The following ASXL1 variants were observed in gnomAD, a reference collection of about 807,000 sequenced individuals.
The protein encoded by ASXL1 is ASXL transcriptional regulator 1, also known as polycomb group protein ASXL1.
Under a neutral mutation model 89.1 loss-of-function variants are expected in ASXL1, and 65 were observed. The ratio of observed to expected loss-of-function variants is 0.73; its 90% CI spans 0.60 to 0.90. The LOEUF (loss-of-function observed/expected upper bound fraction) is 0.90, where lower values mean the gene tolerates loss of function less well. Ranked by LOEUF, ASXL1 falls within the 40% of genes least tolerant of loss-of-function variation. ASXL1 has a pLI of 0.00. For missense variants in ASXL1, 1,786 were observed against 1,942.9 expected (o/e 0.92, Z 1.52); for synonymous variants, 739 against 746.9 (o/e 0.99, Z 0.17).
At chr20:32,392,303 A>T in intron 4 of ASXL1, among the ~76,000 whole-genome samples, 1 of 143,452 alleles carries the variant, frequency 7.0e-6, no homozygotes, top group Non-Finnish European at 1.5e-5. Context: ...TTTTTCCGAG[A>T]TGGAGATTTG....
In ASXL1 at chr20:32,437,993, T is replaced by C. The variant is rs1450550812; in HGVS notation, c.*655T>C. Reference sequence around the variant, plus strand: ...ATTTGGAACCTTGAATAGCTCTGCTTGGACAATGGGGTTGGGGAATAGGGT... The same window carrying C: ...ATTTGGAACCTTGAATAGCTCTGCTCGGACAATGGGGTTGGGGAATAGGGT... On this transcript the variant is annotated 3_prime_UTR_variant, in exon 13 of 13. Coordinates refer to ENST00000375687, the MANE Select transcript of ASXL1 (RefSeq NM_015338.6). The C allele has an allele frequency of 1.3e-5, 3 of 234,640 alleles. No homozygotes were observed. Among genetic ancestry groups the C allele is most frequent in the East Asian group, 6.0e-5 (1 of 16,596 alleles). 14.5% of individuals were successfully genotyped at this position (234,640 alleles called of 1,614,324 possible).
chr20:32,372,016 A>T, intron 4 of ASXL1: 4 of 946,834 alleles, frequency 4.2e-6, no homozygotes, highest in East Asian at 4.8e-5. Context: ...TGTTTTTAAA[A>T]GGAAGGATAA....
rs1355933920 is a variant in ASXL1 at position 32,436,808 on chromosome 20, A to G, written c.4096A>G (p.Ser1366Gly). 1 of 1,614,226 alleles carries G rather than the reference A, an allele frequency of 6.2e-7. No homozygotes were observed. The highest frequency in any genetic ancestry group is 8.5e-7 in the Non-Finnish European group (1 of 1,180,054). The change falls in exon 13 of 13, where the codon AGC becomes GGC. Residue 1366 changes from serine (S) to glycine (G), a missense_variant. Physicochemically the swap from Ser to Gly is moderately conservative, Grantham distance 56 (BLOSUM62 0). Coordinates refer to ENST00000375687, the MANE Select transcript of ASXL1 (RefSeq NM_015338.6). ...WAPKPHAFVG[S>G]VKNEKTFVGG... is the part of the protein sequence containing the mutation. ...TCCAAAGCCACATGCCTTTGTTGGCAGCGTCAAGAATGAGAAGACTTTTGT... is the reference window on the plus strand; with the variant it reads ...TCCAAAGCCACATGCCTTTGTTGGCGGCGTCAAGAATGAGAAGACTTTTGT...
Position 32,435,195 on chromosome 20 carries a change from G to A in ASXL1, c.2483G>A (p.Gly828Asp), listed in dbSNP as rs372805894. 12 of 1,613,952 alleles carry A rather than the reference G, an allele frequency of 7.4e-6. No individual in the cohort carries two copies. In the African/African-American group the frequency reaches 1.5e-4, roughly 20 times the overall value. Residue 828 changes from glycine (G) to aspartate (D), a missense_variant, in exon 13 of 13, where the codon GGC becomes GAC. Physicochemically the swap from Gly to Asp is moderately conservative, Grantham distance 94 (BLOSUM62 -1). Coordinates refer to ENST00000375687, the MANE Select transcript of ASXL1 (RefSeq NM_015338.6). ...VGDDTLEKGT[G>D]QALDSHPTMK... ...GATGATACATTAGAGAAAGGAACTG[G>A]CCAAGCTCTTGACAGTCATCCCACT...
intron 4 of ASXL1, among the ~76,000 whole-genome samples, chr20:32,414,944 G>T (rs1043621848): frequency 6.6e-6 from 1 of 152,106 alleles, no homozygotes; most frequent in Non-Finnish European, 1.5e-5. Context: ...GGGAGCCAAG[G>T]TGGGGAGGGA....
intron 4 of ASXL1, among the ~76,000 whole-genome samples, chr20:32,418,793 T>C (rs1332581288): frequency 7.4e-6 from 1 of 135,308 alleles, no homozygotes; most frequent in African/African-American, 2.7e-5. Flanking sequence ...CAAATCAAAA[T>C]GGGAAGAATT....
At chr20:32,431,700 C>G (rs749028864) in intron 10 of ASXL1, 21 bp downstream of exon 10, 31 of 1,610,182 alleles carry the variant, frequency 1.9e-5, no homozygotes, top group Non-Finnish European at 2.5e-5. Context: ...TTGGTCATCT[C>G]GGACGGCTTG....
intron 4 of ASXL1, among the ~76,000 whole-genome samples, chr20:32,426,186 G>C (rs924221152): frequency 2.6e-5 from 4 of 152,044 alleles, no homozygotes; most frequent in Admixed American, 6.5e-5. Flanking sequence ...TGTAAATCTC[G>C]TATTGGGATA....
chr20:32,408,090 A>T (rs952535507), intron 4 of ASXL1, among the ~76,000 whole-genome samples: 1 of 152,052 alleles, frequency 6.6e-6, no homozygotes, highest in Non-Finnish European at 1.5e-5. Context: ...AGCACTTGCC[A>T]CCATGCCTAT....
intron 4 of ASXL1, among the ~76,000 whole-genome samples, chr20:32,376,481 G>A (rs1462673917): frequency 6.6e-6 from 1 of 151,568 alleles, no homozygotes; most frequent in Admixed American, 6.6e-5. Context: ...TTACCATGTT[G>A]GCCAGGCTGG....
chr20:32,397,966 A>G (rs1269093675), intron 4 of ASXL1, among the ~76,000 whole-genome samples: 2 of 152,186 alleles, frequency 1.3e-5, no homozygotes, highest in South Asian at 4.1e-4. Context: ...TTTAGTTGTC[A>G]TGTTTCCTTA....
intron 4 of ASXL1, among the ~76,000 whole-genome samples, chr20:32,379,583 T>C (rs1179345358): frequency 6.6e-6 from 1 of 151,624 alleles, no homozygotes; most frequent in African/African-American, 2.4e-5. Context: ...CCCAGCACTT[T>C]GGGAGGCTGA....
At chr20:32,418,332 C>T (rs1439702796) in intron 4 of ASXL1, among the ~76,000 whole-genome samples, 4 of 151,974 alleles carry the variant, frequency 2.6e-5, no homozygotes, top group African/African-American at 7.3e-5. Flanking sequence ...GTGATAGCAC[C>T]GTGGCACTTT....
rs374821179 is a variant in ASXL1, at chr20:32,389,639, G to A, written c.252+20516G>A. On this transcript the variant is annotated intron_variant, in intron 4 of 12. Transcript: ENST00000375687. ...CTCGCTCTGTTGTCCAGGCTGGAGT[G>A]CAGTGGCACAATCTCGGCTCACTGC... 6.8e-4 allele frequency among the ~76,000 whole-genome samples: 104 copies of A among 152,238 alleles called. 2 individuals are homozygous for A. The highest frequency in any genetic ancestry group is 2.4e-3 in the African/African-American group (100 of 41,532).
At position 32,360,443 on chromosome 20, in the gene ASXL1, G is replaced by C. The variant is rs552800990; in HGVS notation, c.57+1611G>C. 4.1e-4 allele frequency: 63 copies of C among 152,698 alleles called. 2 individuals are homozygous for C. In the South Asian group the frequency reaches 0.011, roughly 27 times the overall value. 9.5% of individuals were successfully genotyped at this position (152,698 alleles called of 1,614,324 possible). A position where few individuals can be genotyped will look rare whatever the true frequency, so the allele number is the denominator to read the frequency against. On this transcript the variant is annotated intron_variant, in intron 1 of 12. Coordinates refer to ENST00000375687, the MANE Select transcript of ASXL1 (RefSeq NM_015338.6). ...CCTGGAAACAAATATAGGCCTGATG[G>C]GGAGTGGGAGAGAGCTCTCGTTCTC...
Position 32,434,829 on chromosome 20 carries a change from A to C in ASXL1, c.2117A>C (p.His706Pro). The C allele has an allele frequency of 6.2e-7, 1 of 1,614,174 alleles. No homozygotes were observed. The highest frequency in any genetic ancestry group is 8.5e-7 in the Non-Finnish European group (1 of 1,180,032). The part of the protein sequence containing the change: ...LLPPYPLNGE[H>P]TQAGTAMSRA... ...CCGCCTTATCCTCTAAATGGGGAGC[A>C]TACCCAGGCCGGAACTGCCATGTCC... The change falls in exon 13 of 13, where the codon CAT (histidine) becomes CCT (proline). Residue 706 changes from histidine to proline, a missense_variant. Around this residue, in one of 3 missense-constraint regions of ASXL1, gnomAD observed 1,418 missense variants for 1,427.8 expected, o/e 0.99. Coordinates refer to ENST00000375687, the MANE Select transcript of ASXL1 (RefSeq NM_015338.6).
chr20:32,393,457 A>G (rs2048707191), intron 4 of ASXL1, among the ~76,000 whole-genome samples: 1 of 151,944 alleles, frequency 6.6e-6, no homozygotes, highest in African/African-American at 2.4e-5. Context: ...TTTGTAGACT[A>G]TTTATGTTTA....
intron 4 of ASXL1, among the ~76,000 whole-genome samples, chr20:32,423,278 G>T (rs2123178031): frequency 6.6e-6 from 1 of 152,024 alleles, no homozygotes; most frequent in South Asian, 2.1e-4. Flanking sequence ...CGCCCTGGCT[G>T]AAGTGCAATG....
At chr20:32,386,749 C>G (rs999207850) in intron 4 of ASXL1, among the ~76,000 whole-genome samples, 2 of 150,378 alleles carry the variant, frequency 1.3e-5, no homozygotes, top group South Asian at 4.2e-4. Context: ...AATCAAATGC[C>G]ATATTGATTC....
Sources: allele counts gnomAD v4.1 joint callset (sites outside exome capture counted in the v4.1 genomes callset), GRCh38; gene constraint gnomAD v4.1.1; regional missense constraint gnomAD v4.1.1; transcripts MANE v1.5; gene names NCBI Gene and HGNC (gene_info 2026-07-23, HGNC 2026-07-21).